The following PGAP1 variants were observed in gnomAD, a reference collection of about 807,000 sequenced individuals.
PGAP1 encodes GPI inositol-deacylase.
PGAP1 carries 76 observed loss-of-function variants against 127.0 expected under a neutral mutation model. The observed-to-expected ratio is 0.60, with a 90% CI of 0.50 to 0.72. The LOEUF is 0.72. PGAP1 is among the 30% of genes least tolerant of loss of function. The pLI is 0.00. For synonymous variants in PGAP1, 362 were observed against 366.5 expected, an observed-to-expected ratio of 0.99 and a Z score of 0.14; for missense variants, 982 against 1,071.3, an observed-to-expected ratio of 0.92 and a Z score of 1.16.
At chr2:196,902,788 C>A in intron 4 of PGAP1, 46 bp from the exon 5 acceptor site, 2 of 1,434,886 alleles carry the variant, frequency 1.4e-6, no homozygotes, top group African/African-American at 1.4e-5. Context: ...TAGCCATTCC[C>A]TGAAACAATA....
rs140159517 is a variant in PGAP1 at position 196,866,962 on chromosome 2, G to A, written c.1768-1882C>T. Among the ~76,000 whole-genome samples the A allele has an allele frequency of 4.2e-3, 634 of 152,094 alleles. 4 individuals carry two copies. Among genetic ancestry groups the A allele is most frequent in the African/African-American group, 0.014 (582 of 41,504 alleles). The stretch of plus-strand genomic sequence containing the variant: ...ACCATCTCACACCAGTTAGAATGGC[G>A]ATCATTAAAAAGTCAGGAAACAATA... On this transcript the variant is annotated intron_variant, in intron 19 of 26. Coordinates refer to ENST00000354764, the MANE Select transcript of PGAP1 (RefSeq NM_024989.4).
At chr2:196,882,043 G>T (rs1701750731) in intron 12 of PGAP1, among the ~76,000 whole-genome samples, 1 of 152,096 alleles carries the variant, frequency 6.6e-6, no homozygotes, top group Non-Finnish European at 1.5e-5. Context: ...TAAAGAAGAG[G>T]TCCACTTTCA....
rs1386175324 is a variant in PGAP1 at position 196,835,316 on chromosome 2, C to G, written c.*5918G>C. 6.6e-6 allele frequency: 1 copy of G among 151,884 alleles called. No individual in the cohort carries two copies. Among genetic ancestry groups the G allele is most frequent in the African/African-American group, 2.4e-5 (1 of 41,408 alleles). 9.4% of individuals were successfully genotyped at this position (151,884 alleles called of 1,614,324 possible). On this transcript the variant is annotated 3_prime_UTR_variant, in exon 27 of 27. Transcript: ENST00000354764. ...TATATAAAGAGACTGAATGGAAATA[C>G]ATAAAAAACAAAAGAAATTCCACAG... is the stretch of plus-strand genomic sequence containing the variant.
intron 12 of PGAP1, among the ~76,000 whole-genome samples, chr2:196,882,279 G>C (rs1273610061): frequency 6.6e-6 from 1 of 152,172 alleles, no homozygotes; most frequent in Non-Finnish European, 1.5e-5. Context: ...AAGTCAAGTA[G>C]TGTGATGCCT....
chr2:196,854,087 G>C (rs1700800054), intron 20 of PGAP1, among the ~76,000 whole-genome samples: 1 of 151,586 alleles, frequency 6.6e-6, no homozygotes, highest in Non-Finnish European at 1.5e-5. Context: ...TGTACAGAGA[G>C]GGTTTCACCA....
At chr2:196,915,360 C>T (rs879687038) in intron 3 of PGAP1, among the ~76,000 whole-genome samples, 2 of 152,094 alleles carry the variant, frequency 1.3e-5, no homozygotes, top group Non-Finnish European at 2.9e-5. Flanking sequence ...GTAATTATCT[C>T]GAGACTGTAC....
rs1270659719 is a variant in PGAP1 at position 196,840,011 on chromosome 2, G to A, written c.*1223C>T. On this transcript the variant is annotated 3_prime_UTR_variant, in exon 27 of 27. Transcript: ENST00000354764. ...TGAGTTTACGCTATCCTAAGGCAAA[G>A]AGTATACTCTTCTGCCTTGCCGATT... 6.6e-6 allele frequency: 1 copy of A among 152,200 alleles called. No individual in the cohort carries two copies. The highest frequency in any genetic ancestry group is 2.4e-5 in the African/African-American group (1 of 41,438). 9.4% of individuals were successfully genotyped at this position (152,200 alleles called of 1,614,324 possible). A position where few individuals can be genotyped will look rare whatever the true frequency, so the allele number is the denominator to read the frequency against.
Position 196,885,487 on chromosome 2 carries a change from A to G in PGAP1, c.1221-12T>C, listed in dbSNP as rs1188584840. The G allele has an allele frequency of 6.4e-7, 1 of 1,560,932 alleles. No individual in the cohort carries two copies. Among genetic ancestry groups the G allele is most frequent in the Non-Finnish European group, 8.8e-7 (1 of 1,142,494 alleles). On this transcript the variant is annotated splice_polypyrimidine_tract_variant and intron_variant, in intron 11 of 26. Transcript: ENST00000354764. The stretch of plus-strand genomic sequence containing the variant: ...CAACCCCTTGCAGGCTTTGAAATAA[A>G]TATGAAAATATAATTAAAGGACAAA...
In PGAP1 at chr2:196,926,518, C is replaced by T; in HGVS notation, c.99G>A (p.Glu33=). 3 of 1,614,182 alleles carry T rather than the reference C, an allele frequency of 1.9e-6. No individual in the cohort carries two copies. In the South Asian group the frequency reaches 3.3e-5, roughly 18 times the overall value. ...LGLWDVFFGF[E]ENKCSMSYMF... is the part of the protein sequence containing the mutation. ...TGTAGCTCATACTGCACTTATTCTC[C>T]TCGAAGCCGAAGAAGACATCCCACA... Residue 33 remains glutamate, a synonymous_variant, in exon 1 of 27, where the codon GAG becomes GAA. Coordinates refer to ENST00000354764, the MANE Select transcript of PGAP1 (RefSeq NM_024989.4).
chr2:196,841,444 A>C, intron 26 of PGAP1, 72 bp from the exon 27 acceptor site: 1 of 1,168,638 alleles, frequency 8.6e-7, no homozygotes, highest in Non-Finnish European at 1.2e-6. Context: ...TCAATCTTTT[A>C]TACAGTTTTG....
At chr2:196,876,906 AC>A (rs1284159088) in intron 13 of PGAP1, among the ~76,000 whole-genome samples, 5 of 152,028 alleles carry the variant, frequency 3.3e-5, no homozygotes, top group Admixed American at 3.3e-4. Flanking sequence ...GGCAAAGAAC[AC>A]AGTCAGATAT....
intron 20 of PGAP1, among the ~76,000 whole-genome samples, 166 bp from the exon 21 acceptor site, chr2:196,848,203 T>C (rs1358360442): frequency 6.6e-6 from 1 of 152,000 alleles, no homozygotes; most frequent in East Asian, 1.9e-4. Context: ...TGTAATTCAA[T>C]GGTTCTTATA....
At chr2:196,858,062 G>C (rs1700944728) in intron 20 of PGAP1, among the ~76,000 whole-genome samples, 1 of 151,954 alleles carries the variant, frequency 6.6e-6, no homozygotes, top group African/African-American at 2.4e-5. Flanking sequence ...TGACCAACTG[G>C]ACTGTGTGGA....
At position 196,890,891 on chromosome 2, in the gene PGAP1, A is replaced by G. The variant is rs1484711331; in HGVS notation, c.1110T>C (p.Phe370=). 6.6e-7 allele frequency: 1 copy of G among 1,518,088 alleles called. No individual in the cohort carries two copies. Among genetic ancestry groups the G allele is most frequent in the Admixed American group, 1.7e-5 (1 of 59,854 alleles). The allele number at this position is 1,518,088 out of a possible 1,614,324, so 94.0% of individuals were successfully genotyped here. A position where few individuals can be genotyped will look rare whatever the true frequency, so the allele number is the denominator to read the frequency against. ...VAYNESEKIY[F]TFPLENHRKI... is the part of the protein sequence containing the mutation. ...TTCTATGATTTTCAAGAGGAAATGTAAAATATATCTTCTCAGATTCCTACA... is the reference window on the plus strand; with the variant it reads ...TTCTATGATTTTCAAGAGGAAATGTGAAATATATCTTCTCAGATTCCTACA... The change falls in exon 10 of 27, where the codon TTT becomes TTC. Residue 370 remains phenylalanine (F), a synonymous_variant. Coordinates refer to ENST00000354764, the MANE Select transcript of PGAP1 (RefSeq NM_024989.4).
intron 5 of PGAP1, among the ~76,000 whole-genome samples, chr2:196,898,866 T>C (rs1029133399): frequency 6.6e-6 from 1 of 151,436 alleles, no homozygotes; most frequent in Non-Finnish European, 1.5e-5. Context: ...ATATGCCTAA[T>C]CACAACTGCA....
At chr2:196,848,774 T>A (rs1199702476) in intron 20 of PGAP1, among the ~76,000 whole-genome samples, 4 of 152,210 alleles carry the variant, frequency 2.6e-5, no homozygotes, top group Non-Finnish European at 1.5e-5. Flanking sequence ...CATTTGCATA[T>A]AAGTTTTTGT....
intron 5 of PGAP1, among the ~76,000 whole-genome samples, 163 bp downstream of exon 5, chr2:196,902,419 TCTC>T (rs1398663309): frequency 3.9e-5 from 6 of 152,266 alleles, no homozygotes; most frequent in African/African-American, 9.6e-5. Flanking sequence ...ATTCATTTTC[TCTC>T]TTTCTCTCTT....
chr2:196,921,093 T>C (rs1703178192), intron 1 of PGAP1, among the ~76,000 whole-genome samples: 1 of 151,956 alleles, frequency 6.6e-6, no homozygotes, highest in Admixed American at 6.6e-5. Flanking sequence ...AGCAGTGCTG[T>C]ACATGTGGCA....
At chr2:196,843,839 T>A (rs1235864455) in intron 25 of PGAP1, 49 bp downstream of exon 25, 16 of 1,220,382 alleles carry the variant, frequency 1.3e-5, no homozygotes, top group Non-Finnish European at 1.6e-5. Flanking sequence ...TACTTAGGGA[T>A]ATTTATTGTT....
Sources: allele counts gnomAD v4.1 joint callset (sites outside exome capture counted in the v4.1 genomes callset), GRCh38; gene constraint gnomAD v4.1.1; transcripts MANE v1.5; gene names NCBI Gene and HGNC (gene_info 2026-07-23, HGNC 2026-07-21).